PARVA: variants seen among roughly 807,000 people sequenced by gnomAD.
PARVA encodes alpha-parvin.
PARVA carries 25 observed loss-of-function variants against 52.6 expected under a neutral mutation model. The observed-to-expected ratio is 0.48, with a 90% CI of 0.35 to 0.66. The LOEUF (loss-of-function observed/expected upper bound fraction) is 0.66, where lower values mean the gene tolerates loss of function less well. Ranked by LOEUF, PARVA falls within the 30% of genes least tolerant of loss-of-function variation. The pLI, the probability that PARVA is intolerant of heterozygous loss-of-function variation, is 0.01. For synonymous variants in PARVA, 185 were observed against 179.1 expected, an observed-to-expected ratio of 1.03 and a Z score of -0.26; for missense variants, 373 against 450.9, an observed-to-expected ratio of 0.83 and a Z score of 1.56.
Position 12,377,851 on chromosome 11 carries a change from G to A in PARVA, c.136+68G>A, listed in dbSNP as rs893712030. On this transcript the variant is annotated intron_variant, in intron 1 of 12. Coordinates refer to ENST00000334956, the MANE Select transcript of PARVA (RefSeq NM_018222.5). The stretch of plus-strand genomic sequence containing the variant: ...GGTGCCGTAGGGGCCGAGGGGCCGG[G>A]GCACTGGGACCGGGCGGGAGCGCGC... The A allele has an allele frequency of 9.1e-5, 115 of 1,269,472 alleles. No individual in the cohort carries two copies. In the African/African-American group the frequency reaches 1.7e-3, roughly 19 times the overall value. 78.6% of individuals were successfully genotyped at this position (1,269,472 alleles called of 1,614,324 possible).
intron 1 of PARVA, among the ~76,000 whole-genome samples, chr11:12,450,961 T>A (rs2135014123): frequency 6.6e-6 from 1 of 152,230 alleles, no homozygotes; most frequent in African/African-American, 2.4e-5. Context: ...AAAATGTTAA[T>A]CTCCTCTGGC....
intron 1 of PARVA, among the ~76,000 whole-genome samples, chr11:12,454,293 T>C (rs985122521): frequency 1.3e-5 from 2 of 152,222 alleles, no homozygotes; most frequent in African/African-American, 4.8e-5. Flanking sequence ...TCTCCAATAT[T>C]GACTAAATAG....
intron 1 of PARVA, among the ~76,000 whole-genome samples, chr11:12,390,613 C>T (rs766976054): frequency 2.6e-5 from 4 of 152,146 alleles, no homozygotes; most frequent in Non-Finnish European, 5.9e-5. Context: ...ACTCCTGGCC[C>T]TGCAAAGTAG....
chr11:12,482,163 AAAAAAAAAAGAAAAAG>A (rs1217140179), intron 4 of PARVA, among the ~76,000 whole-genome samples: 3 of 151,520 alleles, frequency 2.0e-5, no homozygotes, highest in South Asian at 4.2e-4. Flanking sequence ...TCTCAAAAAA[AAAAAAAAAAGAAAAAG>A]AAAAAAAAAG....
intron 5 of PARVA, among the ~76,000 whole-genome samples, chr11:12,503,528 T>A (rs1040830905): frequency 1.3e-5 from 2 of 151,844 alleles, no homozygotes. Flanking sequence ...ACATTGGAAA[T>A]CTGGCAATAA....
In PARVA at chr11:12,377,645, G is replaced by T. The variant is rs1939414331; in HGVS notation, c.-3G>T. On this transcript the variant is annotated 5_prime_UTR_variant, in exon 1 of 13. Coordinates refer to ENST00000334956, the MANE Select transcript of PARVA (RefSeq NM_018222.5). ...ACCGGCCCGCGGCAGCCTGCGCCGCGCCATGGCCACCTCCCCGCAGAAGTC... is the reference window on the plus strand; with the variant it reads ...ACCGGCCCGCGGCAGCCTGCGCCGCTCCATGGCCACCTCCCCGCAGAAGTC... The T allele has an allele frequency of 2.6e-6, 4 of 1,568,104 alleles. No homozygotes were observed. Among genetic ancestry groups the T allele is most frequent in the South Asian group, 2.3e-5 (2 of 86,004 alleles).
rs1331850958 is a variant in PARVA, at chr11:12,532,381, C to T, written c.*4456C>T. 6.6e-6 allele frequency among the ~76,000 whole-genome samples: 1 copy of T among 152,180 alleles called. No homozygotes were observed. Among genetic ancestry groups the T allele is most frequent in the African/African-American group, 2.4e-5 (1 of 41,444 alleles). On this transcript the variant is annotated 3_prime_UTR_variant, in exon 13 of 13. Coordinates refer to ENST00000334956, the MANE Select transcript of PARVA (RefSeq NM_018222.5). ...GTCCCCTACATAATGCGTATTAGGA[C>T]TTTCTAAGGGAAGACGGGGTACGAT...
intron 1 of PARVA, among the ~76,000 whole-genome samples, chr11:12,419,912 C>T (rs1027668691): frequency 5.3e-5 from 8 of 152,096 alleles, no homozygotes; most frequent in African/African-American, 1.7e-4. Flanking sequence ...TAAATGCTGG[C>T]GGAAACACTT....
rs867540853 is a variant in PARVA, at chr11:12,377,863, G to T, written c.136+80G>T. The T allele has an allele frequency of 4.8e-6, 5 of 1,040,440 alleles. No individual in the cohort carries two copies. In the Middle Eastern group the frequency reaches 1.4e-3, roughly 291 times the overall value. The allele number at this position is 1,040,440 out of a possible 1,614,324, so 64.5% of individuals were successfully genotyped here. On this transcript the variant is annotated intron_variant, in intron 1 of 12. Transcript: ENST00000334956. ...GCCGAGGGGCCGGGGCACTGGGACC[G>T]GGCGGGAGCGCGCCGCGGGTGCCCG...
At chr11:12,414,006 G>C (rs769687797) in intron 1 of PARVA, among the ~76,000 whole-genome samples, 11 of 152,210 alleles carry the variant, frequency 7.2e-5, no homozygotes, top group Non-Finnish European at 1.2e-4. Flanking sequence ...GACCAGACGT[G>C]TACCCTGCCT....
intron 1 of PARVA, among the ~76,000 whole-genome samples, chr11:12,384,232 T>C (rs187318512): frequency 1.1e-4 from 17 of 152,326 alleles, no homozygotes; most frequent in African/African-American, 3.8e-4. Flanking sequence ...GGAGAAAGTC[T>C]CCTGATACTG....
Position 12,528,291 on chromosome 11 carries a change from C to T in PARVA, c.*366C>T. The T allele has an allele frequency of 3.6e-6, 1 of 277,946 alleles. No individual in the cohort carries two copies. Among genetic ancestry groups the T allele is most frequent in the South Asian group, 6.1e-5 (1 of 16,262 alleles). 17.2% of individuals were successfully genotyped at this position (277,946 alleles called of 1,614,324 possible). ...AAAGGATGCTAACTGTGTGTCAGGC[C>T]CCACACTAAGTGCTCTGCTCTGATA... On this transcript the variant is annotated 3_prime_UTR_variant, in exon 13 of 13. Coordinates refer to ENST00000334956, the MANE Select transcript of PARVA (RefSeq NM_018222.5).
intron 1 of PARVA, among the ~76,000 whole-genome samples, chr11:12,417,678 A>G (rs1436848461): frequency 6.6e-6 from 1 of 152,200 alleles, no homozygotes; most frequent in Non-Finnish European, 1.5e-5. Context: ...GTGTTTTTCC[A>G]CAGAGAAGGG....
At chr11:12,468,008 T>G (rs1940878292) in intron 1 of PARVA, among the ~76,000 whole-genome samples, 1 of 152,246 alleles carries the variant, frequency 6.6e-6, no homozygotes, top group Non-Finnish European at 1.5e-5. Flanking sequence ...ATCTTGCTAT[T>G]TTTACACAAG....
At chr11:12,517,184 G>A (rs1202181332) in intron 10 of PARVA, among the ~76,000 whole-genome samples, 7 of 151,980 alleles carry the variant, frequency 4.6e-5, no homozygotes, top group Non-Finnish European at 1.0e-4. Flanking sequence ...GTGCTTGTGG[G>A]CGACCTTTCT....
intron 5 of PARVA, among the ~76,000 whole-genome samples, chr11:12,498,106 T>C (rs1941321305): frequency 6.6e-6 from 1 of 152,176 alleles, no homozygotes. Context: ...CAATCTCAGC[T>C]CACTGCAACC....
At chr11:12,421,700 G>A (rs142310118) in intron 1 of PARVA, among the ~76,000 whole-genome samples, 519 of 152,280 alleles carry the variant, frequency 3.4e-3, no homozygotes, top group Non-Finnish European at 5.6e-3. Context: ...AGTTATTGAT[G>A]TGTTTCAGGG....
intron 10 of PARVA, among the ~76,000 whole-genome samples, chr11:12,515,566 A>T (rs1041944728): frequency 6.6e-6 from 1 of 152,308 alleles, no homozygotes; most frequent in African/African-American, 2.4e-5. Context: ...GGAACCAGCC[A>T]TGGGAGGTGA....
At chr11:12,385,234 T>C (rs1406635065) in intron 1 of PARVA, among the ~76,000 whole-genome samples, 1 of 151,936 alleles carries the variant, frequency 6.6e-6, no homozygotes, top group East Asian at 1.9e-4. Context: ...GAGGCTGACA[T>C]GGAAGGAACG....
Sources: gnomAD v4.1 joint callset for allele counts (sites outside exome capture counted in the v4.1 genomes callset) on GRCh38, gnomAD v4.1.1 for gene constraint, MANE v1.5 for transcripts, NCBI Gene and HGNC (gene_info 2026-07-23, HGNC 2026-07-21) for gene names.